Variants in ARID1B observed in about 807,000 individuals in gnomAD.
The protein encoded by ARID1B is AT-rich interactive domain-containing protein 1B.
In ARID1B, 30 loss-of-function variants were observed where a neutral mutation model predicts 212.3. That is an observed-to-expected ratio of 0.14 (90% CI 0.11 to 0.19). The LOEUF is 0.19. Among genes scored for constraint, ARID1B ranks in the 10% least tolerant of loss-of-function variants. The pLI is 1.00. For missense variants in ARID1B, 2,891 were observed against 3,204.0 expected (o/e 0.90, Z 2.36); for synonymous variants, 1,402 against 1,301.7 (o/e 1.08, Z -1.66).
chr6:156,779,658 T>G, intron 1 of ARID1B, 187 bp downstream of exon 1: 1 of 405,286 alleles, frequency 2.5e-6, no homozygotes, highest in Non-Finnish European at 3.5e-6. Flanking sequence ...GCCGGCGCGC[T>G]GTCCAGGCCT....
chr6:156,845,065 A>T (rs929549521), intron 2 of ARID1B, among the ~76,000 whole-genome samples: 2 of 152,216 alleles, frequency 1.3e-5, no homozygotes, highest in Non-Finnish European at 2.9e-5. Context: ...CACATGTAAA[A>T]AGCTCTGTCT....
At chr6:157,149,100 T>C in intron 8 of ARID1B, 149 bp downstream of exon 8, 2 of 780,500 alleles carry the variant, frequency 2.6e-6, no homozygotes, top group Non-Finnish European at 4.0e-6. Flanking sequence ...TTAAATATAT[T>C]CTGTAGCATC....
At chr6:157,025,225 T>C (rs1435547662) in intron 4 of ARID1B, among the ~76,000 whole-genome samples, 3 of 152,230 alleles carry the variant, frequency 2.0e-5, no homozygotes, top group Non-Finnish European at 4.4e-5. Context: ...TAGAACACTT[T>C]CTCAGAACAA....
chr6:157,038,704 A>T (rs893958868), intron 4 of ARID1B, among the ~76,000 whole-genome samples: 1 of 152,186 alleles, frequency 6.6e-6, no homozygotes, highest in African/African-American at 2.4e-5. Context: ...AATGCCCAGC[A>T]TACATGTGGA....
chr6:157,106,855 G>A (rs932156885), intron 5 of ARID1B, among the ~76,000 whole-genome samples: 1 of 152,128 alleles, frequency 6.6e-6, no homozygotes, highest in Non-Finnish European at 1.5e-5. Flanking sequence ...TTCTCACAAT[G>A]GAATTCCAGT....
chr6:156,893,231 G>T (rs1408571885), intron 2 of ARID1B, among the ~76,000 whole-genome samples: 4 of 151,856 alleles, frequency 2.6e-5, no homozygotes, highest in Non-Finnish European at 5.9e-5. Context: ...TCACCACATT[G>T]GCCAGGCTGG....
Position 157,206,345 on chromosome 6 carries a change from C to T in ARID1B, c.5573C>T (p.Ala1858Val), listed in dbSNP as rs1794449676. 1 of 1,614,038 alleles carries T rather than the reference C, an allele frequency of 6.2e-7. No homozygotes were observed. The highest frequency in any genetic ancestry group is 1.3e-5 in the African/African-American group (1 of 74,902). Residue 1858 changes from alanine (A) to valine (V), a missense_variant, in exon 20 of 20, where the codon GCT becomes GTT. Transcript: ENST00000636930. This position sits in a 1 kb window ranked among gnomAD's most constrained non-coding sequence, Gnocchi z 6.8. Reference protein sequence around the residue: ...ADDSGKEEEDAECIDDDEEDE... With the variant: ...ADDSGKEEEDVECIDDDEEDE... ...GATTCTGGGAAAGAGGAGGAAGATG[C>T]TGAATGTATTGATGACGACGAGGAA...
chr6:156,914,720 G>A (rs1294105864), intron 3 of ARID1B, among the ~76,000 whole-genome samples: 1 of 152,098 alleles, frequency 6.6e-6, no homozygotes, highest in Non-Finnish European at 1.5e-5. Flanking sequence ...TCACTAATTT[G>A]AATGCCCAAC....
chr6:157,155,114 A>G (rs1203933907), intron 8 of ARID1B, among the ~76,000 whole-genome samples: 1 of 152,142 alleles, frequency 6.6e-6, no homozygotes. Context: ...GCACATTCCC[A>G]TGTAGACTCC....
At chr6:157,198,521 C>T (rs1793890312) in intron 16 of ARID1B, 4 of 380,036 alleles carry the variant, frequency 1.1e-5, no homozygotes, top group Admixed American at 3.9e-5. Context: ...AGGCCAGAGG[C>T]TCTAACAAGT....
At chr6:157,049,336 G>A (rs1782440642) in intron 4 of ARID1B, among the ~76,000 whole-genome samples, 1 of 152,132 alleles carries the variant, frequency 6.6e-6, no homozygotes, top group South Asian at 2.1e-4. Context: ...TTGGTAGCTG[G>A]GCAGTTTTCT....
chr6:157,019,713 C>T (rs1326264710), intron 4 of ARID1B, among the ~76,000 whole-genome samples: 1 of 152,150 alleles, frequency 6.6e-6, no homozygotes, highest in African/African-American at 2.4e-5. Flanking sequence ...ACTCAGTCAT[C>T]CACGCTCACT....
At chr6:156,946,107 A>G (rs1395412347) in intron 4 of ARID1B, among the ~76,000 whole-genome samples, 1 of 151,516 alleles carries the variant, frequency 6.6e-6, no homozygotes. Flanking sequence ...CTTTAATCCC[A>G]GCACTTCAGG....
chr6:156,897,592 A>T (rs935540777), intron 2 of ARID1B, among the ~76,000 whole-genome samples: 2 of 151,820 alleles, frequency 1.3e-5, no homozygotes, highest in Non-Finnish European at 2.9e-5. Flanking sequence ...ATTTTTAAAT[A>T]ACAAATGGAA....
chr6:156,779,561 C>G (rs1033924784), intron 1 of ARID1B, 90 bp downstream of exon 1: 221 of 1,148,748 alleles, frequency 1.9e-4, no homozygotes, highest in Non-Finnish European at 2.3e-4. Flanking sequence ...TACTTTTCCC[C>G]GTCTTCCCGC....
rs191621857 is a variant in ARID1B at position 157,083,936 on chromosome 6, C to T, written c.2248-726C>T. 1.6e-3 allele frequency among the ~76,000 whole-genome samples: 237 copies of T among 152,124 alleles called. 3 individuals are homozygous for T. Among genetic ancestry groups the T allele is most frequent in the African/African-American group, 4.0e-3 (165 of 41,496 alleles). On this transcript the variant is annotated intron_variant, in intron 4 of 19. Coordinates refer to ENST00000636930, the MANE Select transcript of ARID1B (RefSeq NM_001374828.1). ...ATTGCCTGAGGTCAGGAGTTCGAGACCAGCCTGGCCAACATGGTGAAACCC... is the reference window on the plus strand; with the variant it reads ...ATTGCCTGAGGTCAGGAGTTCGAGATCAGCCTGGCCAACATGGTGAAACCC...
rs1329986228 is a variant in ARID1B at position 156,906,928 on chromosome 6, G to A, written c.2136+5403G>A. Among the ~76,000 whole-genome samples, 7 of 152,072 alleles carry A rather than the reference G, an allele frequency of 4.6e-5. 1 individual carries two copies. Among genetic ancestry groups the A allele is most frequent in the African/African-American group, 1.4e-4 (6 of 41,468 alleles). ...CTTTAAAAAATTACATTTTCTCATT[G>A]TTACTGGTGTATACAAATGTAACAG... On this transcript the variant is annotated intron_variant, in intron 3 of 19. Transcript: ENST00000636930.
intron 2 of ARID1B, among the ~76,000 whole-genome samples, chr6:156,838,238 A>G (rs1168413873): frequency 1.3e-5 from 2 of 152,290 alleles, no homozygotes; most frequent in East Asian, 3.9e-4. Context: ...AACACCAAAC[A>G]TTCAGAAACA....
At chr6:157,132,359 C>T (rs1400159909) in intron 6 of ARID1B, among the ~76,000 whole-genome samples, 1 of 152,106 alleles carries the variant, frequency 6.6e-6, no homozygotes, top group Non-Finnish European at 1.5e-5. Flanking sequence ...GTCTCAAGAC[C>T]CAACAGGTTT....
Sources: gnomAD v4.1 joint callset for allele counts (sites outside exome capture counted in the v4.1 genomes callset) on GRCh38, gnomAD v4.1.1 for gene constraint, Gnocchi (gnomAD v3.1) non-coding constraint, MANE v1.5 for transcripts, NCBI Gene and HGNC (gene_info 2026-07-23, HGNC 2026-07-21) for gene names.